The following OCLN variants were observed in gnomAD, a reference collection of about 807,000 sequenced individuals.
The protein encoded by OCLN is occludin.
In OCLN, 21 loss-of-function variants were observed where a neutral mutation model predicts 47.9. That is an observed-to-expected ratio of 0.44 (90% CI 0.31 to 0.63). The LOEUF is 0.63. Ranked by LOEUF, OCLN falls within the 30% of genes least tolerant of loss-of-function variation. The pLI, the probability that OCLN is intolerant of heterozygous loss-of-function variation, is 0.08. For missense variants in OCLN, 360 were observed against 571.0 expected (o/e 0.63, Z 3.77); for synonymous variants, 117 against 198.4 (o/e 0.59, Z 3.45).
Position 69,548,039 on chromosome 5 carries a change from A to G in OCLN, c.1363A>G (p.Lys455Glu). ...ACAATCAGAACTTGATGAGATCAAT[A>G]AAGAACTCTCCCGTTTGGATAAAGA... The part of the protein sequence containing the change: ...SLQSELDEIN[K>E]ELSRLDKELD... The change falls in exon 7 of 9, where the codon AAA becomes GAA. Residue 455 changes from lysine to glutamate, a missense_variant. By Grantham distance (56) the Lys-to-Glu change is moderately conservative. Around this residue, in one of 3 missense-constraint regions of OCLN, gnomAD observed 25 missense variants for 43.9 expected, o/e 0.57. Coordinates refer to ENST00000396442, the MANE Select transcript of OCLN (RefSeq NM_001205254.2). 1.7e-6 allele frequency: 1 copy of G among 593,858 alleles called. No homozygotes were observed. Among genetic ancestry groups the G allele is most frequent in the Non-Finnish European group, 3.0e-6 (1 of 334,344 alleles). The allele number at this position is 593,858 out of a possible 1,614,324, so 36.8% of individuals were successfully genotyped here. A position where few individuals can be genotyped will look rare whatever the true frequency, so the allele number is the denominator to read the frequency against.
intron 1 of OCLN, among the ~76,000 whole-genome samples, chr5:69,497,717 C>G (rs1218877121): frequency 2.0e-5 from 3 of 152,108 alleles, no homozygotes; most frequent in Non-Finnish European, 2.9e-5. Flanking sequence ...AGTCACCCTC[C>G]TGGAGAGGCA....
chr5:69,517,450 A>G (rs1412888432), intron 4 of OCLN, among the ~76,000 whole-genome samples: 2 of 152,056 alleles, frequency 1.3e-5, no homozygotes, highest in East Asian at 3.9e-4. Flanking sequence ...AGCTAGGACT[A>G]TAGGTGCATA....
At position 69,493,401 on chromosome 5, in the gene OCLN, C is replaced by T. The variant is rs1303228905; in HGVS notation, c.-69+501C>T. 6.6e-6 allele frequency among the ~76,000 whole-genome samples: 1 copy of T among 152,088 alleles called. No homozygotes were observed. The highest frequency in any genetic ancestry group is 2.4e-5 in the African/African-American group (1 of 41,434). On this transcript the variant is annotated intron_variant, in intron 1 of 8. Coordinates refer to ENST00000396442, the MANE Select transcript of OCLN (RefSeq NM_001205254.2). This position sits in a 1 kb window ranked among gnomAD's most constrained non-coding sequence, Gnocchi z 5.3. ...GGAATTTCATTCCTTCCGCTCCCAC[C>T]CCACCCCTTTGGATATCCCGGGGAG...
At chr5:69,501,833 T>A (rs1768466817) in intron 1 of OCLN, among the ~76,000 whole-genome samples, 3 of 152,176 alleles carry the variant, frequency 2.0e-5, no homozygotes, top group Admixed American at 2.0e-4. Flanking sequence ...TCTTTGAGGA[T>A]TTATCTAATA....
At chr5:69,526,483 T>G (rs1769282757) in intron 4 of OCLN, among the ~76,000 whole-genome samples, 1 of 149,316 alleles carries the variant, frequency 6.7e-6, no homozygotes, top group Non-Finnish European at 1.5e-5. Flanking sequence ...GATTTTTGTT[T>G]AAGTAAGGGG....
chr5:69,510,775 G>A (rs1326472490), intron 3 of OCLN, among the ~76,000 whole-genome samples: 1 of 152,220 alleles, frequency 6.6e-6, no homozygotes, highest in East Asian at 1.9e-4. Flanking sequence ...ATACCTAGGG[G>A]TGGAATTGCT....
At chr5:69,513,854 T>C (rs1005154357) in intron 3 of OCLN, 94 bp from the exon 4 acceptor site, 3 of 1,050,360 alleles carry the variant, frequency 2.9e-6, no homozygotes, top group Non-Finnish European at 4.4e-6. Flanking sequence ...TAGTAGGGCC[T>C]TAGGGTAGAT....
chr5:69,520,970 C>T (rs941071250), intron 4 of OCLN, among the ~76,000 whole-genome samples: 3 of 152,146 alleles, frequency 2.0e-5, no homozygotes, highest in Non-Finnish European at 4.4e-5. Flanking sequence ...GCCTCAGCCT[C>T]CTGAGTAGCT....
At chr5:69,501,820 C>T (rs1768466386) in intron 1 of OCLN, among the ~76,000 whole-genome samples, 1 of 152,128 alleles carries the variant, frequency 6.6e-6, no homozygotes, top group Non-Finnish European at 1.5e-5. Context: ...CTATATATTT[C>T]CATCTTTGAG....
At chr5:69,533,741 C>T (rs1050601422) in intron 4 of OCLN, among the ~76,000 whole-genome samples, 15 of 152,234 alleles carry the variant, frequency 9.9e-5, no homozygotes, top group Non-Finnish European at 1.6e-4. Flanking sequence ...CAACCTCCGC[C>T]TCTCTGGTTC....
chr5:69,550,064 G>A (rs1207177620), intron 7 of OCLN, among the ~76,000 whole-genome samples: 2 of 144,048 alleles, frequency 1.4e-5, no homozygotes, highest in Non-Finnish European at 3.1e-5. Context: ...TCAAATTTAT[G>A]GTTGTATCAT....
At chr5:69,514,851 C>A (rs952381979) in intron 4 of OCLN, among the ~76,000 whole-genome samples, 5 of 152,154 alleles carry the variant, frequency 3.3e-5, no homozygotes, top group East Asian at 1.9e-4. Context: ...GTAGGGTCAC[C>A]GATCAACAGG....
chr5:69,533,784 C>G (rs889925709), intron 4 of OCLN, among the ~76,000 whole-genome samples: 2 of 152,184 alleles, frequency 1.3e-5, no homozygotes, highest in Non-Finnish European at 2.9e-5. Context: ...TCCCGAGTAG[C>G]TGGGACTACA....
intron 4 of OCLN, among the ~76,000 whole-genome samples, chr5:69,529,619 CTTTTTTTT>C (rs1430114246): frequency 2.0e-5 from 3 of 151,406 alleles, no homozygotes; most frequent in African/African-American, 7.3e-5. Context: ...TTGTTTTTTT[CTTTTTTTT>C]GAGATGGAAT....
At chr5:69,515,792 G>A (rs907171401) in intron 4 of OCLN, among the ~76,000 whole-genome samples, 1 of 150,922 alleles carries the variant, frequency 6.6e-6, no homozygotes, top group African/African-American at 2.4e-5. Context: ...GGGCGGCTGG[G>A]CAGAGACGCT....
chr5:69,531,757 C>T (rs1464296123), intron 4 of OCLN, among the ~76,000 whole-genome samples: 3 of 152,272 alleles, frequency 2.0e-5, no homozygotes, highest in East Asian at 1.9e-4. Context: ...TCAAGAATAC[C>T]CCTATGTACT....
chr5:69,496,991 T>C (rs1768311113), intron 1 of OCLN, among the ~76,000 whole-genome samples: 2 of 152,226 alleles, frequency 1.3e-5, no homozygotes, highest in South Asian at 2.1e-4. Flanking sequence ...AGATTGTTAA[T>C]GTTGCTGTGC....
chr5:69,554,738 C>T lies in OCLN; in HGVS notation c.*1067C>T, dbSNP rs964473583. The T allele has an allele frequency of 2.1e-4, 32 of 151,626 alleles. No homozygotes were observed. Among genetic ancestry groups the T allele is most frequent in the Non-Finnish European group, 5.9e-5 (4 of 67,932 alleles). The allele number at this position is 151,626 out of a possible 1,614,324, so 9.4% of individuals were successfully genotyped here. On this transcript the variant is annotated 3_prime_UTR_variant, in exon 9 of 9. Transcript: ENST00000396442. ...TGTCTGGGAATAGAATGCTATACCA[C>T]GAAATACCAAATAATTTCAAATGGT...
In OCLN at chr5:69,513,839, G is replaced by T. The variant is rs1768850508; in HGVS notation, c.730-109G>T. On this transcript the variant is annotated intron_variant, in intron 3 of 8. Transcript: ENST00000396442. ...CAGTTTTCTATCAATTAAACCACAT[G>T]GATTTAGTAGGGCCTTAGGGTAGAT... 4 of 924,322 alleles carry T rather than the reference G, an allele frequency of 4.3e-6. No individual in the cohort carries two copies. The Admixed American group carries it at 5.7e-5, about 13-fold the overall frequency. 57.3% of individuals were successfully genotyped at this position (924,322 alleles called of 1,614,324 possible). A position where few individuals can be genotyped will look rare whatever the true frequency, so the allele number is the denominator to read the frequency against.
Sources: allele counts gnomAD v4.1 joint callset (sites outside exome capture counted in the v4.1 genomes callset), GRCh38; gene constraint gnomAD v4.1.1; regional missense constraint gnomAD v4.1.1; non-coding constraint Gnocchi (gnomAD v3.1); transcripts MANE v1.5; gene names NCBI Gene and HGNC (gene_info 2026-07-23, HGNC 2026-07-21).